AP3S2: variants seen among roughly 807,000 people sequenced by gnomAD.
The protein encoded by AP3S2 is AP-3 complex subunit sigma-2.
In AP3S2, 22 loss-of-function variants were observed where a neutral mutation model predicts 23.4. The ratio of observed to expected loss-of-function variants is 0.94; its 90% confidence interval spans 0.67 to 1.34. The LOEUF (loss-of-function observed/expected upper bound fraction) is 1.34, where lower values mean the gene tolerates loss of function less well. Ranked by LOEUF, AP3S2 falls within the 40% of genes most tolerant of loss-of-function variation. AP3S2 has a pLI of 0.00. For synonymous variants in AP3S2, 86 were observed against 87.1 expected (o/e 0.99, Z 0.07); for missense variants, 241 against 236.9 (o/e 1.02, Z -0.11).
intron 3 of AP3S2, among the ~76,000 whole-genome samples, chr15:89,882,753 T>C (rs1402189697): frequency 1.3e-5 from 2 of 152,252 alleles, no homozygotes; most frequent in African/African-American, 2.4e-5. Context: ...TTGGATTTTC[T>C]AGATAATCAA....
intron 4 of AP3S2, among the ~76,000 whole-genome samples, chr15:89,868,722 G>T (rs77360136): frequency 1.7e-5 from 2 of 117,188 alleles, no homozygotes. Context: ...CCGGCCAGCC[G>T]CCCCGTCTGG....
rs867854190 is a variant in AP3S2 at position 89,842,548 on chromosome 15, A to T, written c.346-4826T>A. On this transcript the variant is annotated intron_variant, in intron 4 of 5. Coordinates refer to ENST00000336418, the MANE Select transcript of AP3S2 (RefSeq NM_005829.5). The stretch of plus-strand genomic sequence containing the variant: ...AATTTCCACATTAATATTTAATGCT[A>T]ACAGAAAATGGAACAACACCTACAA... Among the ~76,000 whole-genome samples, 31 of 152,394 alleles carry T rather than the reference A, an allele frequency of 2.0e-4. No individual in the cohort carries two copies. The South Asian group carries it at 2.1e-3, about 10-fold the overall frequency.
At chr15:89,872,119 A>G (rs986351882) in intron 3 of AP3S2, among the ~76,000 whole-genome samples, 1 of 149,190 alleles carries the variant, frequency 6.7e-6, no homozygotes, top group African/African-American at 2.4e-5. Flanking sequence ...AGTCTCTCAA[A>G]AAAAAAAAAA....
intron 1 of AP3S2, 115 bp downstream of exon 1, chr15:89,893,766 G>C (rs1031197129): frequency 4.0e-6 from 4 of 1,008,998 alleles, no homozygotes; most frequent in Admixed American, 2.5e-5. Context: ...GGTCATGCTC[G>C]GTGCAGGAGC....
chr15:89,870,810 C>G (rs1323922035), intron 4 of AP3S2, among the ~76,000 whole-genome samples: 1 of 152,196 alleles, frequency 6.6e-6, no homozygotes, highest in African/African-American at 2.4e-5. Context: ...GTAAACTGCA[C>G]AGGGGACAGC....
At chr15:89,881,236 G>A (rs892379899) in intron 3 of AP3S2, among the ~76,000 whole-genome samples, 9 of 152,146 alleles carry the variant, frequency 5.9e-5, no homozygotes, top group African/African-American at 2.2e-4. Flanking sequence ...AGAGGCAAAG[G>A]AGCCGGACCA....
In AP3S2 at chr15:89,893,994, C is replaced by T; in HGVS notation, c.-45G>A. On this transcript the variant is annotated 5_prime_UTR_variant, in exon 1 of 6. Transcript: ENST00000336418. ...CTCAGCACCGGCTACTCCCAGAAAG[C>T]TCCTCCTTCCGCCACAACACGATCA... 6.5e-7 allele frequency: 1 copy of T among 1,538,462 alleles called. No homozygotes were observed. The highest frequency in any genetic ancestry group is 1.2e-5 in the South Asian group (1 of 83,756).
chr15:89,843,045 C>T (rs1000701126), intron 4 of AP3S2, among the ~76,000 whole-genome samples: 4 of 151,866 alleles, frequency 2.6e-5, no homozygotes, highest in Non-Finnish European at 5.9e-5. Context: ...AGTGCAATGG[C>T]GCGATCTCCG....
intron 4 of AP3S2, among the ~76,000 whole-genome samples, chr15:89,856,749 T>TG (rs1287498719): frequency 6.9e-6 from 1 of 145,240 alleles, no homozygotes; most frequent in Non-Finnish European, 1.5e-5. Context: ...GGTGCGCACC[T>TG]GTAGTCCCAG....
rs182866947 is a variant in AP3S2, at chr15:89,887,421, G to C, written c.273+1100C>G. 5.4e-3 allele frequency among the ~76,000 whole-genome samples: 815 copies of C among 152,106 alleles called. 7 individuals carry two copies. In the Middle Eastern group the frequency reaches 0.068, roughly 13 times the overall value. On this transcript the variant is annotated intron_variant, in intron 3 of 5. Coordinates refer to ENST00000336418, the MANE Select transcript of AP3S2 (RefSeq NM_005829.5). Reference sequence around the variant, plus strand: ...GAGTCTCGCCCTGTCACCCAGGCTGGAGTGCAGTGGTGCGATCTCGGCTCA... The same window carrying C: ...GAGTCTCGCCCTGTCACCCAGGCTGCAGTGCAGTGGTGCGATCTCGGCTCA...
chr15:89,849,752 A>T (rs189363950), intron 4 of AP3S2, among the ~76,000 whole-genome samples: 2 of 152,018 alleles, frequency 1.3e-5, no homozygotes, highest in African/African-American at 4.8e-5. Flanking sequence ...ATAGCTATAC[A>T]CGTGCCATGG....
Sources: allele counts gnomAD v4.1 joint callset (sites outside exome capture counted in the v4.1 genomes callset), GRCh38; gene constraint gnomAD v4.1.1; transcripts MANE v1.5; gene names NCBI Gene and HGNC (gene_info 2026-07-23, HGNC 2026-07-21).